The following CYP4F2 variants were observed in gnomAD, a reference collection of about 807,000 sequenced individuals.
CYP4F2 encodes cytochrome P450 family 4 subfamily F member 2, also known as cytochrome P450 4F2.
In CYP4F2, 58 loss-of-function variants were observed where a neutral mutation model predicts 58.9. That is an observed-to-expected ratio of 0.98 (90% CI 0.80 to 1.23). The LOEUF is 1.23. Ranked by LOEUF, CYP4F2 falls within the 50% of genes most tolerant of loss-of-function variation. The probability of loss-of-function intolerance (pLI) is 0.00; values close to 1 mark genes in which losing one functional copy is unlikely to be tolerated. For missense variants in CYP4F2, 616 were observed against 685.6 expected (o/e 0.90, Z 1.13); for synonymous variants, 287 against 261.1 (o/e 1.10, Z -0.95).
At chr19:15,894,487 G>A (rs899290725) in intron 3 of CYP4F2, among the ~76,000 whole-genome samples, 4 of 152,166 alleles carry the variant, frequency 2.6e-5, no homozygotes, top group Admixed American at 1.3e-4. Context: ...TAGGAAAAGC[G>A]ACATGGAGAA....
chr19:15,889,840 C>T, intron 6 of CYP4F2, 147 bp from the exon 7 acceptor site: 4 of 1,269,580 alleles, frequency 3.2e-6, no homozygotes, highest in Non-Finnish European at 3.3e-6. Flanking sequence ...TGGGGATCAG[C>T]ATGAGATTGA....
intron 2 of CYP4F2, among the ~76,000 whole-genome samples, chr19:15,897,075 G>A (rs1311175717): frequency 6.6e-6 from 1 of 152,168 alleles, no homozygotes; most frequent in East Asian, 1.9e-4. Flanking sequence ...GTGGGCATAA[G>A]AAGCCTCGAG....
rs922616784 is a variant in CYP4F2 at position 15,878,550 on chromosome 19, T to C, written c.*221A>G. On this transcript the variant is annotated 3_prime_UTR_variant, in exon 13 of 13. Coordinates refer to ENST00000221700, the MANE Select transcript of CYP4F2 (RefSeq NM_001082.5). ...TTGTTTATCCTTTCATCTGGTAATA[T>C]ATAGCTTGGGGTTGTTTTCATCGTT... 12 of 716,842 alleles carry C rather than the reference T, an allele frequency of 1.7e-5. No individual in the cohort carries two copies. The highest frequency in any genetic ancestry group is 2.7e-5 in the Non-Finnish European group (12 of 448,912). The allele number at this position is 716,842 out of a possible 1,614,324, so 44.4% of individuals were successfully genotyped here.
At position 15,892,408 on chromosome 19, in the gene CYP4F2, G is replaced by A. The variant is rs748349858; in HGVS notation, c.426C>T (p.Asp142=). The A allele has an allele frequency of 9.3e-6, 15 of 1,614,068 alleles. No homozygotes were observed. The East Asian group carries it at 1.8e-4, about 19-fold the overall frequency. Residue 142 remains aspartate (D), a synonymous_variant, in exon 5 of 13, where the codon GAC becomes GAT. Transcript: ENST00000221700. Reference sequence around the variant, plus strand: ...GCATCCGACGGTGGCGGCTCCACTTGTCACCAGCACTCAGCAGGAGCCCAT... The same window carrying A: ...GCATCCGACGGTGGCGGCTCCACTTATCACCAGCACTCAGCAGGAGCCCAT... ...LGDGLLLSAG[D]KWSRHRRMLT... is the part of the protein sequence containing the mutation.
Position 15,892,538 on chromosome 19 carries a change from G to T in CYP4F2, c.388C>A (p.Pro130Thr). ...ACCTGCAGATACTCACCCAGCCAGG[G>T]CTCCAGGAAGCTGTAGAAGAACTTG... is the stretch of plus-strand genomic sequence containing the variant. The part of the protein sequence containing the change: ...KDKFFYSFLE[P>T]WLGDGLLLSA... Residue 130 changes from proline (P) to threonine (T), a missense_variant, in exon 4 of 13, where the codon CCC becomes ACC. Transcript: ENST00000221700. 6.2e-7 allele frequency: 1 copy of T among 1,614,116 alleles called. No individual in the cohort carries two copies. The highest frequency in any genetic ancestry group is 1.1e-5 in the South Asian group (1 of 91,068).
intron 9 of CYP4F2, among the ~76,000 whole-genome samples, chr19:15,885,614 A>C (rs2145004873): frequency 6.6e-6 from 1 of 152,218 alleles, no homozygotes; most frequent in East Asian, 1.9e-4. Context: ...GTTCAAAAAA[A>C]ATGATATTTC....
At chr19:15,888,811 C>T (rs995088357) in intron 7 of CYP4F2, among the ~76,000 whole-genome samples, 1 of 152,088 alleles carries the variant, frequency 6.6e-6, no homozygotes, top group Non-Finnish European at 1.5e-5. Context: ...AAGACATAGT[C>T]ATAGACACAG....
chr19:15,888,017 G>C (rs1191081295), intron 7 of CYP4F2, among the ~76,000 whole-genome samples: 8 of 84,808 alleles, frequency 9.4e-5, no homozygotes, highest in African/African-American at 3.9e-4. Flanking sequence ...CATAGACATA[G>C]ACACAGATAT....
chr19:15,890,371 G>A lies in CYP4F2; in HGVS notation c.588C>T (p.Ser196=), dbSNP rs760581895. 3.1e-6 allele frequency: 5 copies of A among 1,614,132 alleles called. No homozygotes were observed. The highest frequency in any genetic ancestry group is 4.5e-5 in the East Asian group (2 of 44,860). The change falls in exon 6 of 13, where the codon AGC becomes AGT. Residue 196 remains serine (S), a synonymous_variant. Transcript: ENST00000221700. The stretch of plus-strand genomic sequence containing the variant: ...TCTGTAGACTGTCCAAGGTCATGAG[G>A]CTGATGTGCTCAAACATATCCAAAC... The part of the protein sequence containing the change: ...SACLDMFEHI[S]LMTLDSLQKC...
chr19:15,879,308 A>G, intron 12 of CYP4F2, 38 bp downstream of exon 12: 1 of 1,610,620 alleles, frequency 6.2e-7, no homozygotes, highest in Non-Finnish European at 8.5e-7. Context: ...CCCTGCACCC[A>G]TCAACCCGTT....
At chr19:15,889,271 A>G in intron 7 of CYP4F2, 152 bp downstream of exon 7, 1 of 1,460,818 alleles carries the variant, frequency 6.8e-7, no homozygotes, top group Non-Finnish European at 9.2e-7. Flanking sequence ...CTCCACAGTC[A>G]TCTCTAAAAC....
At chr19:15,895,354 A>T in intron 3 of CYP4F2, 152 bp downstream of exon 3, 1 of 1,118,010 alleles carries the variant, frequency 8.9e-7, no homozygotes, top group Non-Finnish European at 1.2e-6. Flanking sequence ...AGACGCTGAG[A>T]TGGAAATTGA....
intron 9 of CYP4F2, among the ~76,000 whole-genome samples, chr19:15,884,523 G>A (rs774801579): frequency 3.3e-5 from 5 of 152,172 alleles, no homozygotes; most frequent in Non-Finnish European, 5.9e-5. Flanking sequence ...TATTTCAGGC[G>A]ACAGATATCC....
At position 15,897,537 on chromosome 19, in the gene CYP4F2, G is replaced by A. The variant is rs142765310; in HGVS notation, c.75C>T (p.Val25=). The part of the protein sequence containing the change: ...AASPWLLLLL[V]GASWLLAHVL... The stretch of plus-strand genomic sequence containing the variant: ...CATGGGCCAGGAGCCAGGAGGCCCC[G>A]ACCAGCAGGAGGAGCAGCCAAGGGG... Residue 25 remains valine (V), a synonymous_variant, in exon 2 of 13, where the codon GTC becomes GTT. Transcript: ENST00000221700. 2.5e-5 allele frequency: 41 copies of A among 1,613,976 alleles called. No individual in the cohort carries two copies. The East Asian group carries it at 5.6e-4, about 22-fold the overall frequency.
chr19:15,886,055 T>TG lies in CYP4F2; in HGVS notation c.986-3dup. On this transcript the variant is annotated splice_region_variant and splice_polypyrimidine_tract_variant and intron_variant, in intron 8 of 12. Coordinates refer to ENST00000221700, the MANE Select transcript of CYP4F2 (RefSeq NM_001082.5). ...GACCACTGGCCGTGGTGTCATGGCC[T>TG]GGGGGGCAGCAAGGCAGGCTTGGGT... 7 of 1,612,930 alleles carry TG rather than the reference T, an allele frequency of 4.3e-6. 1 individual carries two copies. In the South Asian group the frequency reaches 5.5e-5, roughly 13 times the overall value.
chr19:15,886,963 A>G (rs2089383935), intron 7 of CYP4F2, among the ~76,000 whole-genome samples: 1 of 152,230 alleles, frequency 6.6e-6, no homozygotes, highest in South Asian at 2.1e-4. Context: ...GAGAAATTTG[A>G]CTTGAGGATG....
chr19:15,895,724 G>A, intron 2 of CYP4F2, 74 bp from the exon 3 acceptor site: 2 of 1,522,430 alleles, frequency 1.3e-6, no homozygotes, highest in Non-Finnish European at 1.7e-6. Context: ...GCTAAGGGAT[G>A]CCCAGGTAGT....
chr19:15,891,434 A>T (rs1236042223), intron 5 of CYP4F2, among the ~76,000 whole-genome samples: 2 of 152,132 alleles, frequency 1.3e-5, no homozygotes, highest in South Asian at 2.1e-4. Context: ...TTTATGAAAC[A>T]GTAACAAGCT....
At chr19:15,884,445 T>C (rs2089363609) in intron 9 of CYP4F2, among the ~76,000 whole-genome samples, 1 of 152,226 alleles carries the variant, frequency 6.6e-6, no homozygotes, top group African/African-American at 2.4e-5. Context: ...TAGTTTACGA[T>C]ATGTACTGTA....
Sources: allele counts gnomAD v4.1 joint callset (sites outside exome capture counted in the v4.1 genomes callset), GRCh38; gene constraint gnomAD v4.1.1; transcripts MANE v1.5; gene names NCBI Gene and HGNC (gene_info 2026-07-23, HGNC 2026-07-21).